The following NBPF12 variants were observed in gnomAD, a reference collection of about 807,000 sequenced individuals.
NBPF12 encodes NBPF family member NBPF12.
NBPF12 carries 115 observed loss-of-function variants against 146.4 expected under a neutral mutation model. The ratio of observed to expected loss-of-function variants is 0.79; its 90% CI spans 0.68 to 0.92. The LOEUF (loss-of-function observed/expected upper bound fraction) is 0.92, where lower values mean the gene tolerates loss of function less well. Among genes scored for constraint, NBPF12 ranks in the 40% least tolerant of loss-of-function variants. The pLI is 0.00. For missense variants in NBPF12, 1,205 were observed against 1,326.8 expected, an observed-to-expected ratio of 0.91 and a Z score of 1.43; for synonymous variants, 385 against 508.9, an observed-to-expected ratio of 0.76 and a Z score of 3.28.
chr1:146,971,654 G>A (rs1195024057), intron 13 of NBPF12, among the ~76,000 whole-genome samples: 19 of 150,068 alleles, frequency 1.3e-4, no homozygotes, highest in Admixed American at 7.3e-4. Flanking sequence ...GGCAGTCATG[G>A]TGCTGCGTGC....
rs1167407784 is a variant in NBPF12 at position 146,974,879 on chromosome 1, G to A, written c.1904+38G>A. On this transcript the variant is annotated intron_variant, in intron 15 of 33. Coordinates refer to ENST00000617844, the Ensembl canonical transcript of NBPF12. ...CATGGGGGCAGACAGGGGGGCAGGT[G>A]TGTAAATCTCTGAAGTACAGTAGCT... The A allele has an allele frequency of 1.7e-5, 21 of 1,207,292 alleles. 2 individuals are homozygous for A. The highest frequency in any genetic ancestry group is 2.4e-5 in the Non-Finnish European group (21 of 872,634). The allele number at this position is 1,207,292 out of a possible 1,614,324, so 74.8% of individuals were successfully genotyped here. A position where few individuals can be genotyped will look rare whatever the true frequency, so the allele number is the denominator to read the frequency against.
At chr1:146,949,148 C>G (rs1295158173), upstream of NBPF12, among the ~76,000 whole-genome samples, 2 of 114,994 alleles carry the variant, frequency 1.7e-5, no homozygotes, top group Non-Finnish European at 3.9e-5. Context: ...CATGGGTCCT[C>G]CGGCATGGGT....
rs1656438064 is a variant in NBPF12 at position 146,969,552 on chromosome 1, AG to A, written c.1266del (p.Cys423ValfsTer91). ...CAGGACCTCCAAGAACAGCTGGCTG[AG>A]GGGTGTAGACTGGCACAGCACCTTG... is the stretch of plus-strand genomic sequence containing the variant. On this transcript the variant is annotated frameshift_variant, in exon 11 of 34. Coordinates refer to ENST00000617844, the Ensembl canonical transcript of NBPF12. LOFTEE classifies it high-confidence loss of function. 1.2e-6 allele frequency: 2 copies of A among 1,600,410 alleles called. No individual in the cohort carries two copies. Among genetic ancestry groups the A allele is most frequent in the Non-Finnish European group, 1.7e-6 (2 of 1,171,560 alleles).
exon 34 of NBPF12, chr1:146,994,349 T>C: frequency 6.2e-7 from 1 of 1,604,770 alleles, no homozygotes; most frequent in Non-Finnish European, 8.5e-7. Context: ...AGCGTGCTGA[T>C]GGAAGTGGAA....
At chr1:146,969,788 A>C (rs1252545786) in intron 11 of NBPF12, among the ~76,000 whole-genome samples, 192 bp downstream of exon 14, 3 of 151,268 alleles carry the variant, frequency 2.0e-5, no homozygotes, top group Non-Finnish European at 4.4e-5. Flanking sequence ...CCAGTATTGC[A>C]AGTGTCCCTC....
exon 9 of NBPF12, chr1:146,966,468 T>C (rs1480792594): frequency 6.6e-6 from 9 of 1,371,214 alleles, no homozygotes; most frequent in Non-Finnish European, 9.4e-6. Flanking sequence ...CCCCAGTCCC[T>C]GGCCCCACCT....
At chr1:146,976,385 CCT>C (rs1657020201) in intron 16 of NBPF12, among the ~76,000 whole-genome samples, 1 of 134,388 alleles carries the variant, frequency 7.4e-6, no homozygotes, top group Non-Finnish European at 1.5e-5. Context: ...AGATGAAGCC[CCT>C]CTCCGTGTGG....
intron 2 of NBPF12, 24 bp downstream of exon 2, chr1:146,943,586 G>T (rs1302431922): frequency 6.6e-5 from 78 of 1,187,316 alleles, no homozygotes; most frequent in Non-Finnish European, 8.6e-5. Flanking sequence ...GGCATTGCCA[G>T]CTCGATGGGG....
chr1:146,969,208 G>A (rs1656416995), intron 10 of NBPF12, among the ~76,000 whole-genome samples, 174 bp from the exon 14 acceptor site: 1 of 151,424 alleles, frequency 6.6e-6, no homozygotes, highest in South Asian at 2.1e-4. Flanking sequence ...TACAGAGGAA[G>A]CCTGTAAACC....
chr1:146,995,622 C>A (rs1480302219), exon 34 of NBPF12: 5 of 150,888 alleles, frequency 3.3e-5, no homozygotes, highest in Non-Finnish European at 5.9e-5. Flanking sequence ...CTGAAGTTGT[C>A]TGAAAATGTC....
chr1:146,994,810 T>C, exon 34 of NBPF12: 1 of 793,750 alleles, frequency 1.3e-6, no homozygotes, highest in Non-Finnish European at 1.9e-6. Context: ...CCGGGAGTGA[T>C]CAGCCGGACA....
chr1:146,967,411 G>A (rs1392679633), intron 9 of NBPF12, among the ~76,000 whole-genome samples: 7 of 150,858 alleles, frequency 4.6e-5, no homozygotes, highest in African/African-American at 1.7e-4. Flanking sequence ...TGAGGCAGTA[G>A]AATCCTTTGA....
chr1:146,980,381 C>T (rs1254930990), intron 19 of NBPF12, among the ~76,000 whole-genome samples: 3 of 151,996 alleles, frequency 2.0e-5, no homozygotes, highest in Non-Finnish European at 2.9e-5. Context: ...TTATTTCACC[C>T]GTTAGTTGAT....
chr1:146,963,442 G>A (rs1304039925), intron 6 of NBPF12, 133 bp downstream of exon 9: 1 of 1,580,350 alleles, frequency 6.3e-7, no homozygotes, highest in African/African-American at 1.4e-5. Context: ...GACATGATCA[G>A]GACTTCCTGG....
Position 146,984,713 on chromosome 1 carries a change from T to C in NBPF12, c.2667-100T>C, listed in dbSNP as rs1553888410. ...ACCTCATTAATGGATCTGTCCTTTT[T>C]CTTTTCAAACTCTTCCTTATGTTAG... On this transcript the variant is annotated intron_variant, in intron 21 of 33. Transcript: ENST00000617844. The C allele has an allele frequency of 1.6e-3, 1,287 of 799,146 alleles. 89 individuals are homozygous for C. In the African/African-American group the frequency reaches 0.016, roughly 10 times the overall value. The allele number at this position is 799,146 out of a possible 1,614,324, so 49.5% of individuals were successfully genotyped here.
rs1439648303 is a variant in NBPF12 at position 146,994,800 on chromosome 1, C to G, written c.*225C>G. 28 of 816,146 alleles carry G rather than the reference C, an allele frequency of 3.4e-5. No homozygotes were observed. The African/African-American group carries it at 4.6e-4, about 13-fold the overall frequency. The allele number at this position is 816,146 out of a possible 1,614,324, so 50.6% of individuals were successfully genotyped here. A position where few individuals can be genotyped will look rare whatever the true frequency, so the allele number is the denominator to read the frequency against. ...CGTTCACATAACTGTGCAGCACATG[C>G]CGGGAGTGATCAGCCGGACATTTTA... On this transcript the variant is annotated 3_prime_UTR_variant, in exon 34 of 34. Coordinates refer to ENST00000617844, the Ensembl canonical transcript of NBPF12.
At chr1:146,971,075 T>G in intron 12 of NBPF12, 108 bp from the exon 16 acceptor site, 1 of 1,577,556 alleles carries the variant, frequency 6.3e-7, no homozygotes, top group Non-Finnish European at 8.7e-7. Flanking sequence ...CATTTTGCTT[T>G]CTGGGACCAC....
chr1:146,986,028 C>T (rs1657733123), intron 23 of NBPF12, among the ~76,000 whole-genome samples: 1 of 151,882 alleles, frequency 6.6e-6, no homozygotes, highest in Non-Finnish European at 1.5e-5. Context: ...TTATTGAGCC[C>T]ACTGTTTTCA....
chr1:146,949,127 G>A (rs1570817399), upstream of NBPF12, among the ~76,000 whole-genome samples: 4 of 152,210 alleles, frequency 2.6e-5, no homozygotes, highest in South Asian at 2.1e-4. Flanking sequence ...GAACTCAGAG[G>A]CCAGTGCCGG....
Sources: allele counts gnomAD v4.1 joint callset (sites outside exome capture counted in the v4.1 genomes callset), GRCh38; gene constraint gnomAD v4.1.1; transcripts MANE v1.5; gene names NCBI Gene and HGNC (gene_info 2026-07-23, HGNC 2026-07-21).